The following DUSP18 variants were observed in gnomAD, a reference collection of about 807,000 sequenced individuals.
The protein encoded by DUSP18 is dual specificity protein phosphatase 18.
Under a neutral mutation model 6.3 loss-of-function variants are expected in DUSP18, and 4 were observed. The ratio of observed to expected loss-of-function variants is 0.63; its 90% CI spans 0.31 to 1.45. The LOEUF (loss-of-function observed/expected upper bound fraction) is 1.45. Ranked by LOEUF, DUSP18 falls within the 40% of genes most tolerant of loss-of-function variation. The pLI is 0.07. For missense variants in DUSP18, 235 were observed against 247.7 expected, an observed-to-expected ratio of 0.95 and a Z score of 0.34; for synonymous variants, 96 against 95.1, an observed-to-expected ratio of 1.01 and a Z score of -0.05.
rs1555900941 is a variant in DUSP18, at chr22:30,662,030, A to AAAT, written c.*1406_*1407insATT. ...GGTAGGGTCTGAAAGGACTTAAACC[A>AAAT]TTTTTTTTTTTTTTTTTTTTTACAC... On this transcript the variant is annotated 3_prime_UTR_variant, in exon 2 of 2. Coordinates refer to ENST00000334679, the MANE Select transcript of DUSP18 (RefSeq NM_152511.5). The AAAT allele has an allele frequency of 7.6e-6, 1 of 132,196 alleles. No homozygotes were observed. The highest frequency in any genetic ancestry group is 1.6e-5 in the Non-Finnish European group (1 of 63,688). The allele number at this position is 132,196 out of a possible 1,614,324, so 8.2% of individuals were successfully genotyped here.
chr22:30,666,645 A>AAAAAC, intron 1 of DUSP18, among the ~76,000 whole-genome samples: 1 of 142,974 alleles, frequency 7.0e-6, no homozygotes, highest in African/African-American at 2.5e-5. Flanking sequence ...AAAAAAAAAA[A>AAAAAC]AGCAATCTCT....
intron 2 of DUSP18, among the ~76,000 whole-genome samples, chr22:30,655,914 G>C (rs985901834): frequency 6.6e-6 from 1 of 151,596 alleles, no homozygotes; most frequent in Non-Finnish European, 1.5e-5. Flanking sequence ...TCCAGAGGTG[G>C]AAAGTAATGG....
Position 30,662,896 on chromosome 22 carries a change from T to C in DUSP18, c.*541A>G, listed in dbSNP as rs1187045833. On this transcript the variant is annotated 3_prime_UTR_variant, in exon 2 of 2. Transcript: ENST00000334679. The stretch of plus-strand genomic sequence containing the variant: ...AAAACTATCTTATGCATAAGTACAA[T>C]CTAGAAAACCAGAACTGGGCCACTT... 6.5e-6 allele frequency: 1 copy of C among 153,748 alleles called. No homozygotes were observed. The highest frequency in any genetic ancestry group is 1.9e-4 in the East Asian group (1 of 5,208). The allele number at this position is 153,748 out of a possible 1,614,324, so 9.5% of individuals were successfully genotyped here. A position where few individuals can be genotyped will look rare whatever the true frequency, so the allele number is the denominator to read the frequency against.
downstream of DUSP18, among the ~76,000 whole-genome samples, chr22:30,660,393 T>A (rs187149939): frequency 2.2e-4 from 34 of 152,176 alleles, no homozygotes; most frequent in Admixed American, 2.0e-3. Flanking sequence ...AGCCTTGACC[T>A]CCCTCCTGGG....
intron 2 of DUSP18, among the ~76,000 whole-genome samples, chr22:30,655,423 T>G (rs1172576574): frequency 1.6e-5 from 1 of 61,442 alleles, no homozygotes; most frequent in Admixed American, 2.8e-4. Flanking sequence ...CAGAGTGAGA[T>G]CCTACCAAAA....
rs2088515089 is a variant in DUSP18 at position 30,662,776 on chromosome 22, C to T, written c.*661G>A. The T allele has an allele frequency of 6.6e-6, 1 of 152,104 alleles. No homozygotes were observed. The highest frequency in any genetic ancestry group is 1.5e-5 in the Non-Finnish European group (1 of 68,054). The allele number at this position is 152,104 out of a possible 1,614,324, so 9.4% of individuals were successfully genotyped here. On this transcript the variant is annotated 3_prime_UTR_variant, in exon 2 of 2. Transcript: ENST00000334679. Reference sequence around the variant, plus strand: ...CCTGAGAGGTTGTGGCTACAGTGAGCCATGATCACACTACTGCACTCTAGG... The same window carrying T: ...CCTGAGAGGTTGTGGCTACAGTGAGTCATGATCACACTACTGCACTCTAGG...
chr22:30,665,146 A>G, intron 1 of DUSP18: 1 of 168,190 alleles, frequency 5.9e-6, no homozygotes, highest in Non-Finnish European at 1.3e-5. Context: ...ACATCTTTAT[A>G]CATTCCGCTG....
In DUSP18 at chr22:30,663,675, C is replaced by T. The variant is rs202138261; in HGVS notation, c.329G>A (p.Arg110His). ...TLLHCAAGVS[R>H]SAALCLAYLM... ...GTAGGCGAGGCACAGGGCAGCTGAG[C>T]GGCTCACACCAGCAGCACAGTGCAG... Residue 110 changes from arginine (R) to histidine (H), a missense_variant, in exon 2 of 2, where the codon CGC (arginine) becomes CAC (histidine). By Grantham distance (29) the Arg-to-His change is conservative (BLOSUM62 0). Transcript: ENST00000334679. 230 of 1,614,094 alleles carry T rather than the reference C, an allele frequency of 1.4e-4. No individual in the cohort carries two copies. Among genetic ancestry groups the T allele is most frequent in the Non-Finnish European group, 1.9e-4 (222 of 1,180,046 alleles).
chr22:30,660,815 C>A (rs1192917704), downstream of DUSP18, among the ~76,000 whole-genome samples: 2 of 151,722 alleles, frequency 1.3e-5, no homozygotes, highest in Admixed American at 6.6e-5. Flanking sequence ...TGAGAAAAAA[C>A]CATGGAGGCC....
At chr22:30,658,386 AT>A (rs1323084041), downstream of DUSP18, among the ~76,000 whole-genome samples, 42 of 147,534 alleles carry the variant, frequency 2.8e-4, no homozygotes, top group South Asian at 6.5e-4. Context: ...AAAAAAAAAA[AT>A]TTTTTTTTTT....
In DUSP18 at chr22:30,663,444, G is replaced by A. The variant is rs374530223; in HGVS notation, c.560C>T (p.Pro187Leu). The A allele has an allele frequency of 6.2e-7, 1 of 1,608,670 alleles. No individual in the cohort carries two copies. The highest frequency in any genetic ancestry group is 8.5e-7 in the Non-Finnish European group (1 of 1,175,556). The stretch of plus-strand genomic sequence containing the variant: ...AGGGGCTCGTGGGATGGCTCACAGT[G>A]GAATCATCAAACGGACTTCCTTCTC... ...IYEKEVRLMI[P>L]L is the part of the protein sequence containing the mutation. Residue 187 changes from proline (P) to leucine (L), a missense_variant, in exon 2 of 2, where the codon CCA (proline) becomes CTA (leucine). Transcript: ENST00000334679.
In DUSP18 at chr22:30,663,543, T is replaced by C. The variant is rs201513667; in HGVS notation, c.461A>G (p.Tyr154Cys). 3.7e-5 allele frequency: 59 copies of C among 1,614,054 alleles called. No homozygotes were observed. Among genetic ancestry groups the C allele is most frequent in the East Asian group, 2.2e-5 (1 of 44,902 alleles). Residue 154 changes from tyrosine (Y) to cysteine (C), a missense_variant, in exon 2 of 2, where the codon TAT (tyrosine) becomes TGT (cysteine). Physicochemically the swap from Tyr to Cys is radical, Grantham distance 194 (BLOSUM62 -2). Coordinates refer to ENST00000334679, the MANE Select transcript of DUSP18 (RefSeq NM_152511.5). ...GTTCTTGCCAAACAATTGGAACTCA[T>C]AGTGGATGAGCTGCTCCCAAAAGCC... ...NSGFWEQLIH[Y>C]EFQLFGKNTV...
Position 30,663,804 on chromosome 22 carries a change from A to G in DUSP18, c.200T>C (p.Met67Thr), listed in dbSNP as rs776403144. Residue 67 changes from methionine to threonine, a missense_variant, in exon 2 of 2, where the codon ATG becomes ACG. Transcript: ENST00000334679. ...AGGGGAGTCAGCCACAGGTACCTGC[A>G]TGTACTGGATATCCTCATACAAGGT... ...VNTLYEDIQY[M>T]QVPVADSPNS... The G allele has an allele frequency of 5.0e-6, 8 of 1,614,106 alleles. No homozygotes were observed. The highest frequency in any genetic ancestry group is 6.8e-6 in the Non-Finnish European group (8 of 1,180,048).
chr22:30,660,852 T>G (rs1602099241), downstream of DUSP18, among the ~76,000 whole-genome samples: 1 of 152,128 alleles, frequency 6.6e-6, no homozygotes. Flanking sequence ...TTTTTTTTTT[T>G]TTTTTGAGAT....
intron 2 of DUSP18, chr22:30,654,158 ATTTTTTT>A (rs2145591909): frequency 4.6e-6 from 1 of 219,320 alleles, no homozygotes; most frequent in Admixed American, 5.5e-5. Flanking sequence ...TTTATTTTTT[ATTTTTTT>A]AGTAGAGACT....
Position 30,665,545 on chromosome 22 carries a change from G to C in DUSP18, c.-77-1465C>G, listed in dbSNP as rs147864456. On this transcript the variant is annotated intron_variant, in intron 1 of 1. Coordinates refer to ENST00000334679, the MANE Select transcript of DUSP18 (RefSeq NM_152511.5). ...ACTGCAGAAGTCTGAGGAGCCTTAA[G>C]ATATCAACTTAAAGGTAACTGTTTT... The C allele has an allele frequency of 1.7e-5, 8 of 471,018 alleles. No individual in the cohort carries two copies. In the East Asian group the frequency reaches 4.9e-4, roughly 29 times the overall value. 29.2% of individuals were successfully genotyped at this position (471,018 alleles called of 1,614,324 possible).
At chr22:30,654,580 G>A (rs1165740596) in intron 2 of DUSP18, 3 of 458,902 alleles carry the variant, frequency 6.5e-6, no homozygotes, top group African/African-American at 2.0e-5. Flanking sequence ...AGATGCGGCT[G>A]GGGACCCGGA....
chr22:30,656,348 T>C (rs1415566443), intron 2 of DUSP18, among the ~76,000 whole-genome samples: 1 of 152,138 alleles, frequency 6.6e-6, no homozygotes, highest in East Asian at 1.9e-4. Flanking sequence ...AAGAGCTACC[T>C]GCCCCTGGGA....
Position 30,663,560 on chromosome 22 carries a change from C to T in DUSP18, c.444G>A (p.Trp148Ter). 2 of 1,614,194 alleles carry T rather than the reference C, an allele frequency of 1.2e-6. No homozygotes were observed. The highest frequency in any genetic ancestry group is 2.2e-5 in the South Asian group (2 of 91,082). ...RPIIRPNSGF[W>*]EQLIHYEFQL... Reference sequence around the variant, plus strand: ...GGAACTCATAGTGGATGAGCTGCTCCCAAAAGCCGCTGTTGGGTCGGATGA... The same window carrying T: ...GGAACTCATAGTGGATGAGCTGCTCTCAAAAGCCGCTGTTGGGTCGGATGA... The change falls in exon 2 of 2, where the codon TGG (tryptophan) becomes TGA (stop). Residue 148 changes from tryptophan (W) to a stop codon, truncating the protein, a stop_gained. Coordinates refer to ENST00000334679, the MANE Select transcript of DUSP18 (RefSeq NM_152511.5). LOFTEE classifies it high-confidence loss of function.
Sources: gnomAD v4.1 joint callset for allele counts (sites outside exome capture counted in the v4.1 genomes callset) on GRCh38, gnomAD v4.1.1 for gene constraint, MANE v1.5 for transcripts, NCBI Gene and HGNC (gene_info 2026-07-23, HGNC 2026-07-21) for gene names.